Variants in TMTC1 observed in about 807,000 individuals in gnomAD.
TMTC1 encodes protein O-mannosyl-transferase TMTC1.
In TMTC1, 73 loss-of-function variants were observed where a neutral mutation model predicts 104.8. That is an observed-to-expected ratio of 0.70 (90% CI 0.58 to 0.85). The LOEUF (loss-of-function observed/expected upper bound fraction) is 0.85, where lower values mean the gene tolerates loss of function less well. TMTC1 is among the 40% of genes least tolerant of loss of function. The probability of loss-of-function intolerance (pLI) is 0.00; values close to 1 mark genes in which losing one functional copy is unlikely to be tolerated. For missense variants in TMTC1, 1,035 were observed against 1,096.1 expected (o/e 0.94, Z 0.79); for synonymous variants, 434 against 428.7 (o/e 1.01, Z -0.15).
chr12:29,550,933 C>CAAAAA (rs200605964), intron 10 of TMTC1, among the ~76,000 whole-genome samples: 18 of 108,306 alleles, frequency 1.7e-4, no homozygotes, highest in African/African-American at 4.7e-4. Flanking sequence ...GACTCCATCT[C>CAAAAA]AAAAAAAAAA....
chr12:29,778,880 C>G (rs887103375), intron 1 of TMTC1, among the ~76,000 whole-genome samples: 2 of 152,130 alleles, frequency 1.3e-5, no homozygotes, highest in African/African-American at 4.8e-5. Flanking sequence ...GTCTATTATC[C>G]AAGTTGAAAG....
intron 4 of TMTC1, among the ~76,000 whole-genome samples, chr12:29,753,205 G>A (rs930708311): frequency 2.6e-5 from 4 of 152,156 alleles, no homozygotes; most frequent in Non-Finnish European, 5.9e-5. Flanking sequence ...GATAAAGTAG[G>A]GACTGGGGAG....
intron 5 of TMTC1, among the ~76,000 whole-genome samples, chr12:29,664,141 C>T (rs1190284839): frequency 2.7e-5 from 4 of 150,518 alleles, no homozygotes; most frequent in South Asian, 2.1e-4. Context: ...GAGCCGAGAT[C>T]CCGCCACTGC....
chr12:29,542,042 C>T (rs1376213166), intron 10 of TMTC1, among the ~76,000 whole-genome samples: 1 of 152,130 alleles, frequency 6.6e-6, no homozygotes, highest in Admixed American at 6.6e-5. Context: ...ATTGACAAGT[C>T]AATTTCAAAG....
At chr12:29,574,713 C>T (rs769878160) in intron 8 of TMTC1, among the ~76,000 whole-genome samples, 5 of 152,282 alleles carry the variant, frequency 3.3e-5, no homozygotes, top group African/African-American at 4.8e-5. Context: ...TTGTTTTATA[C>T]GGGCACCACC....
intron 1 of TMTC1, among the ~76,000 whole-genome samples, chr12:29,776,809 AC>A (rs1943719828): frequency 6.6e-6 from 1 of 152,188 alleles, no homozygotes; most frequent in Non-Finnish European, 1.5e-5. Flanking sequence ...TTAGGCAGAA[AC>A]CAAAGGTGGT....
intron 5 of TMTC1, among the ~76,000 whole-genome samples, chr12:29,736,293 G>C (rs1303736199): frequency 6.9e-6 from 1 of 143,898 alleles, no homozygotes; most frequent in Non-Finnish European, 1.5e-5. Context: ...ACCGGAAAAA[G>C]TATGACTCAA....
At chr12:29,580,302 G>C (rs1486519566) in intron 8 of TMTC1, among the ~76,000 whole-genome samples, 1 of 152,148 alleles carries the variant, frequency 6.6e-6, no homozygotes, top group Non-Finnish European at 1.5e-5. Flanking sequence ...CTGGGTGACA[G>C]AGTGAGACTT....
At chr12:29,771,960 T>C (rs547781861) in intron 1 of TMTC1, among the ~76,000 whole-genome samples, 2 of 152,176 alleles carry the variant, frequency 1.3e-5, no homozygotes, top group African/African-American at 2.4e-5. Flanking sequence ...ATGATTATCA[T>C]ACAATAGGCA....
intron 17 of TMTC1, among the ~76,000 whole-genome samples, chr12:29,511,392 A>G (rs2023518): frequency 2.0e-5 from 3 of 151,976 alleles, no homozygotes; most frequent in African/African-American, 4.8e-5. Context: ...AGCAGGGGAT[A>G]TGACACATAG....
chr12:29,583,548 T>C lies in TMTC1; in HGVS notation c.1277A>G (p.His426Arg). 2 of 1,613,494 alleles carry C rather than the reference T, an allele frequency of 1.2e-6. No individual in the cohort carries two copies. The highest frequency in any genetic ancestry group is 1.7e-6 in the Non-Finnish European group (2 of 1,179,700). The change falls in exon 8 of 18, where the codon CAT becomes CGT. Residue 426 changes from histidine (H) to arginine (R), a missense_variant. Transcript: ENST00000539277. ...PSMGYCILFV[H>R]GLSKLCTWLN... ...CCAAGTGCAGAGCTTGCTCAGTCCATGCACAAAAAGGATGCAGTAGCCCAT... is the reference window on the plus strand; with the variant it reads ...CCAAGTGCAGAGCTTGCTCAGTCCACGCACAAAAAGGATGCAGTAGCCCAT...
intron 9 of TMTC1, among the ~76,000 whole-genome samples, chr12:29,565,276 C>T (rs916981780): frequency 1.3e-5 from 2 of 152,180 alleles, no homozygotes; most frequent in African/African-American, 4.8e-5. Flanking sequence ...GGAGGATAAT[C>T]TGCTTTACTC....
chr12:29,546,949 C>T (rs557275095), intron 10 of TMTC1, among the ~76,000 whole-genome samples: 2 of 152,110 alleles, frequency 1.3e-5, no homozygotes, highest in South Asian at 4.2e-4. Context: ...AAAATTATTC[C>T]TTTTTCACCT....
chr12:29,706,224 T>A (rs148405098), intron 5 of TMTC1, among the ~76,000 whole-genome samples: 1 of 152,144 alleles, frequency 6.6e-6, no homozygotes, highest in East Asian at 1.9e-4. Context: ...AAGAAAAGCT[T>A]CCTTGAGAGG....
At chr12:29,730,498 T>C (rs1942518031) in intron 5 of TMTC1, among the ~76,000 whole-genome samples, 1 of 152,190 alleles carries the variant, frequency 6.6e-6, no homozygotes, top group Admixed American at 6.5e-5. Flanking sequence ...GACCAGGAGA[T>C]GCTATTGATT....
At chr12:29,689,559 C>T (rs755742799) in intron 5 of TMTC1, among the ~76,000 whole-genome samples, 3 of 152,138 alleles carry the variant, frequency 2.0e-5, no homozygotes, top group Non-Finnish European at 4.4e-5. Context: ...GTGATCTGTC[C>T]GTCTCAGGCC....
At chr12:29,724,214 A>G (rs1486888467) in intron 5 of TMTC1, among the ~76,000 whole-genome samples, 1 of 152,250 alleles carries the variant, frequency 6.6e-6, no homozygotes, top group East Asian at 1.9e-4. Context: ...AATATTTCAT[A>G]CACGACAAGT....
At chr12:29,535,328 G>C (rs16934418) in intron 11 of TMTC1, 1 of 152,074 alleles carries the variant, frequency 6.6e-6, no homozygotes, top group Non-Finnish European at 1.5e-5. Context: ...TCTAAAGCCC[G>C]CCTATCCTAC....
At chr12:29,756,370 C>T (rs1167379455) in intron 3 of TMTC1, among the ~76,000 whole-genome samples, 2 of 152,148 alleles carry the variant, frequency 1.3e-5, no homozygotes, top group Admixed American at 6.5e-5. Context: ...ACTTGTCACA[C>T]ATCAAGTGTG....
Sources: gnomAD v4.1 joint callset for allele counts (sites outside exome capture counted in the v4.1 genomes callset) on GRCh38, gnomAD v4.1.1 for gene constraint, MANE v1.5 for transcripts, NCBI Gene and HGNC (gene_info 2026-07-23, HGNC 2026-07-21) for gene names.